AP5M1: variants seen among roughly 807,000 people sequenced by gnomAD.
AP5M1 encodes the protein AP-5 complex subunit mu-1.
A neutral mutation model predicts 52.3 loss-of-function variants in AP5M1; 44 were observed. That is an observed-to-expected ratio of 0.84 (90% confidence interval 0.66 to 1.08). The LOEUF is 1.08. Among genes scored for constraint, AP5M1 ranks in the 50% least tolerant of loss-of-function variants. The pLI is 0.00. For missense variants in AP5M1, 526 were observed against 568.4 expected, an observed-to-expected ratio of 0.93 and a Z score of 0.76; for synonymous variants, 213 against 199.0, an observed-to-expected ratio of 1.07 and a Z score of -0.59.
chr14:57,280,360 C>T lies in AP5M1; in HGVS notation c.886C>T (p.Pro296Ser), dbSNP rs1318313176. ...DAMDDSAFSG[P>S]YKFPFTPPLE... ...AATGGATGACTCTGCATTTAGTGGG[C>T]CTTACAAATTTCCATTCACTCCACC... is the stretch of plus-strand genomic sequence containing the variant. The change falls in exon 3 of 8, where the codon CCT becomes TCT. Residue 296 changes from proline to serine, a missense_variant. Physicochemically the swap from Pro to Ser is moderately conservative, Grantham distance 74. This residue lies in a region of AP5M1 where 425 missense variants were observed against 430.6 expected (regional missense o/e 0.99). Coordinates refer to ENST00000261558, the MANE Select transcript of AP5M1 (RefSeq NM_018229.4). The T allele has an allele frequency of 6.2e-7, 1 of 1,614,020 alleles. No individual in the cohort carries two copies. The highest frequency in any genetic ancestry group is 1.1e-5 in the South Asian group (1 of 91,086).
At chr14:57,279,048 T>G (rs1885108719) in intron 2 of AP5M1, among the ~76,000 whole-genome samples, 1 of 152,166 alleles carries the variant, frequency 6.6e-6, no homozygotes, top group African/African-American at 2.4e-5. Flanking sequence ...CTGGCAAGAT[T>G]GCAGAGAAAA....
intron 1 of AP5M1, among the ~76,000 whole-genome samples, chr14:57,269,998 G>C (rs969001096): frequency 6.6e-6 from 1 of 151,694 alleles, no homozygotes; most frequent in Non-Finnish European, 1.5e-5. Flanking sequence ...TTGGTAGAGA[G>C]GGGGTTTCAC....
rs148345093 is a variant in AP5M1 at position 57,268,984 on chromosome 14, C to T, written c.-331C>T. 6 of 566,536 alleles carry T rather than the reference C, an allele frequency of 1.1e-5. No homozygotes were observed. The highest frequency in any genetic ancestry group is 4.5e-5 in the South Asian group (2 of 44,418). The allele number at this position is 566,536 out of a possible 1,614,324, so 35.1% of individuals were successfully genotyped here. A position where few individuals can be genotyped will look rare whatever the true frequency, so the allele number is the denominator to read the frequency against. On this transcript the variant is annotated 5_prime_UTR_variant, in exon 1 of 8. Transcript: ENST00000261558. ...AGAACCGAAAAAAGGCTCGACGCTA[C>T]CGTGTATGAGGAACTTTGATCCTTG... is the stretch of plus-strand genomic sequence containing the variant.
At chr14:57,287,698 G>A (rs1328386292) in intron 7 of AP5M1, among the ~76,000 whole-genome samples, 1 of 152,006 alleles carries the variant, frequency 6.6e-6, no homozygotes, top group Non-Finnish European at 1.5e-5. Flanking sequence ...CTGCCAGTTT[G>A]TGCAATTATG....
At chr14:57,283,857 A>C (rs939509764) in intron 6 of AP5M1, among the ~76,000 whole-genome samples, 1 of 152,146 alleles carries the variant, frequency 6.6e-6, no homozygotes, top group African/African-American at 2.4e-5. Flanking sequence ...ATGGTGGTGC[A>C]CACCTTTAGT....
At chr14:57,275,805 G>A (rs1340129792) in intron 2 of AP5M1, among the ~76,000 whole-genome samples, 2 of 152,078 alleles carry the variant, frequency 1.3e-5, no homozygotes, top group Non-Finnish European at 2.9e-5. Flanking sequence ...AAAACACAAC[G>A]TAAATAACAA....
chr14:57,269,257 G>GC lies in AP5M1; in HGVS notation c.-57dup. The stretch of plus-strand genomic sequence containing the variant: ...AGTCTGTCTGAGAAAGCCGGTCTGC[G>GC]CTGTTCCTCGGTGGCGACCTTAATT... On this transcript the variant is annotated 5_prime_UTR_variant, in exon 1 of 8. It removes the in-frame stop codon of an upstream open reading frame in the 5' UTR. Coordinates refer to ENST00000261558, the MANE Select transcript of AP5M1 (RefSeq NM_018229.4). 6.5e-7 allele frequency: 1 copy of GC among 1,533,368 alleles called. No individual in the cohort carries two copies. Among genetic ancestry groups the GC allele is most frequent in the Non-Finnish European group, 9.0e-7 (1 of 1,108,978 alleles). The allele number at this position is 1,533,368 out of a possible 1,614,324, so 95.0% of individuals were successfully genotyped here.
chr14:57,275,738 CTTAT>C (rs1885018622), intron 2 of AP5M1, among the ~76,000 whole-genome samples: 1 of 152,108 alleles, frequency 6.6e-6, no homozygotes, highest in Admixed American at 6.5e-5. Context: ...TTGAAGGGCT[CTTAT>C]TTAAACAAGT....
Position 57,292,115 on chromosome 14 carries a change from G to C in AP5M1, c.*3231G>C, listed in dbSNP as rs1298142301. 1 of 151,824 alleles carries C rather than the reference G, an allele frequency of 6.6e-6. No homozygotes were observed. Among genetic ancestry groups the C allele is most frequent in the Non-Finnish European group, 1.5e-5 (1 of 67,844 alleles). 9.4% of individuals were successfully genotyped at this position (151,824 alleles called of 1,614,324 possible). The stretch of plus-strand genomic sequence containing the variant: ...GATAGTTAGCTGTATTATCAGATTA[G>C]AAACCATTGTACCAGGCTGCTGAAA... On this transcript the variant is annotated 3_prime_UTR_variant, in exon 8 of 8. Coordinates refer to ENST00000261558, the MANE Select transcript of AP5M1 (RefSeq NM_018229.4).
chr14:57,277,133 C>A (rs1279373534), intron 2 of AP5M1, among the ~76,000 whole-genome samples: 1 of 131,766 alleles, frequency 7.6e-6, no homozygotes, highest in African/African-American at 3.8e-5. Context: ...CTCTTAGGTG[C>A]CTTTTTTTTT....
At position 57,269,144 on chromosome 14, in the gene AP5M1, G is replaced by A. The variant is rs991236012; in HGVS notation, c.-171G>A. 1.6e-6 allele frequency: 1 copy of A among 625,252 alleles called. No individual in the cohort carries two copies. 38.7% of individuals were successfully genotyped at this position (625,252 alleles called of 1,614,324 possible). ...TGTGTTGGCCTAGAGCGACTCAGAA[G>A]CGTTAGTGACTTCACCTAAAAAAGC... On this transcript the variant is annotated 5_prime_UTR_variant, in exon 1 of 8. Coordinates refer to ENST00000261558, the MANE Select transcript of AP5M1 (RefSeq NM_018229.4).
At chr14:57,280,740 A>G (rs1339424708) in intron 3 of AP5M1, among the ~76,000 whole-genome samples, 1 of 151,952 alleles carries the variant, frequency 6.6e-6, no homozygotes, top group African/African-American at 2.4e-5. Flanking sequence ...AATCCCATCT[A>G]CTTGGGTGGC....
chr14:57,297,167 T>G lies in AP5M1; in HGVS notation c.*8283T>G, dbSNP rs1261199672. 1 of 152,058 alleles carries G rather than the reference T, an allele frequency of 6.6e-6. No homozygotes were observed. Among genetic ancestry groups the G allele is most frequent in the South Asian group, 2.1e-4 (1 of 4,830 alleles). The allele number at this position is 152,058 out of a possible 1,614,324, so 9.4% of individuals were successfully genotyped here. Reference sequence around the variant, plus strand: ...GGGGTTTGGATATGTAGGGTAAATATAAATGTCTAATGAAAGTAATTACTA... The same window carrying G: ...GGGGTTTGGATATGTAGGGTAAATAGAAATGTCTAATGAAAGTAATTACTA... On this transcript the variant is annotated 3_prime_UTR_variant, in exon 8 of 8. Coordinates refer to ENST00000261558, the MANE Select transcript of AP5M1 (RefSeq NM_018229.4).
intron 7 of AP5M1, among the ~76,000 whole-genome samples, chr14:57,287,865 T>G (rs1885344729): frequency 6.6e-6 from 1 of 152,118 alleles, no homozygotes; most frequent in Admixed American, 6.6e-5. Flanking sequence ...GTGTTTTATG[T>G]GCATTGTCTC....
At chr14:57,273,706 T>C (rs1400930455) in intron 1 of AP5M1, 1 of 702,146 alleles carries the variant, frequency 1.4e-6, no homozygotes, top group South Asian at 1.5e-5. Context: ...CATGTTTTTG[T>C]AGGGATTGGC....
chr14:57,269,373 C>T lies in AP5M1; in HGVS notation c.59C>T (p.Thr20Ile), dbSNP rs199518257. Residue 20 changes from threonine to isoleucine, a missense_variant, in exon 1 of 8, where the codon ACC (threonine) becomes ATC (isoleucine). This residue lies in a region of AP5M1 where 425 missense variants were observed against 430.6 expected (regional missense o/e 0.99). Coordinates refer to ENST00000261558, the MANE Select transcript of AP5M1 (RefSeq NM_018229.4). Reference sequence around the variant, plus strand: ...GAACCGGGAACTCCACTTTGTGGCACCGTGAGATTCTCCAGGTAAATGCAA... The same window carrying T: ...GAACCGGGAACTCCACTTTGTGGCATCGTGAGATTCTCCAGGTAAATGCAA... Reference protein sequence around the residue: ...SHEPGTPLCGTVRFSRRYPTV... With the variant: ...SHEPGTPLCGIVRFSRRYPTV... 5.0e-6 allele frequency: 8 copies of T among 1,614,106 alleles called. No homozygotes were observed. In the South Asian group the frequency reaches 7.7e-5, roughly 16 times the overall value.
chr14:57,274,379 G>C lies in AP5M1; in HGVS notation c.210G>C (p.Glu70Asp), dbSNP rs201721178. Residue 70 changes from glutamate to aspartate, a missense_variant, in exon 2 of 8, where the codon GAG becomes GAC. By Grantham distance (45) the Glu-to-Asp change is conservative. Around this residue, in one of 3 missense-constraint regions of AP5M1, gnomAD observed 425 missense variants for 430.6 expected, o/e 0.99. Transcript: ENST00000261558. Reference sequence around the variant, plus strand: ...TGGATGATGATAAAGACTTCGTTGAGAGTCGTGATAGCTGTTCACGCATCA... The same window carrying C: ...TGGATGATGATAAAGACTTCGTTGACAGTCGTGATAGCTGTTCACGCATCA... The part of the protein sequence containing the change: ...RLLDDDKDFV[E>D]SRDSCSRINK... 6 of 1,614,146 alleles carry C rather than the reference G, an allele frequency of 3.7e-6. No homozygotes were observed. The highest frequency in any genetic ancestry group is 5.1e-6 in the Non-Finnish European group (6 of 1,180,024).
chr14:57,276,623 T>TTTC (rs1555331622), intron 2 of AP5M1, among the ~76,000 whole-genome samples: 1 of 151,922 alleles, frequency 6.6e-6, no homozygotes, highest in Admixed American at 6.6e-5. Flanking sequence ...TTTTTTTTTT[T>TTTC]TTCATTCTGT....
Position 57,274,790 on chromosome 14 carries a change from A to C in AP5M1, c.621A>C (p.Pro207=), listed in dbSNP as rs369966286. Residue 207 remains proline, a synonymous_variant, in exon 2 of 8, where the codon CCA becomes CCC. Transcript: ENST00000261558. ...AAACTGGGACGTACAAAGGAAAACC[A>C]CAAGTTTCTATTTCTATCACTGAAA... ...AWKTGTYKGK[P]QVSISITEKV... 51 of 1,614,206 alleles carry C rather than the reference A, an allele frequency of 3.2e-5. No homozygotes were observed. The highest frequency in any genetic ancestry group is 4.1e-5 in the Non-Finnish European group (48 of 1,180,030).
Sources: gnomAD v4.1 joint callset for allele counts (sites outside exome capture counted in the v4.1 genomes callset) on GRCh38, gnomAD v4.1.1 for gene constraint, gnomAD v4.1.1 regional missense constraint, MANE v1.5 for transcripts, NCBI Gene and HGNC (gene_info 2026-07-23, HGNC 2026-07-21) for gene names.